PIP4K2B: variants seen among roughly 807,000 people sequenced by gnomAD.
PIP4K2B encodes the protein phosphatidylinositol-5-phosphate 4-kinase type 2 beta.
A neutral mutation model predicts 42.0 loss-of-function variants in PIP4K2B; 3 were observed. The observed-to-expected ratio is 0.07, with a 90% CI of 0.03 to 0.18. The LOEUF is 0.18. PIP4K2B is among the 10% of genes least tolerant of loss of function. PIP4K2B has a pLI of 1.00. For missense variants in PIP4K2B, 332 were observed against 562.3 expected, an observed-to-expected ratio of 0.59 and a Z score of 4.14; for synonymous variants, 204 against 210.1, an observed-to-expected ratio of 0.97 and a Z score of 0.25.
In PIP4K2B at chr17:38,767,064, A is replaced by G. The variant is rs1178710104; in HGVS notation, c.*2627T>C. 4 of 152,228 alleles carry G rather than the reference A, an allele frequency of 2.6e-5. No homozygotes were observed. Among genetic ancestry groups the G allele is most frequent in the Non-Finnish European group, 5.9e-5 (4 of 68,064 alleles). The allele number at this position is 152,228 out of a possible 1,614,324, so 9.4% of individuals were successfully genotyped here. A position where few individuals can be genotyped will look rare whatever the true frequency, so the allele number is the denominator to read the frequency against. On this transcript the variant is annotated 3_prime_UTR_variant, in exon 10 of 10. Transcript: ENST00000619039. Reference sequence around the variant, plus strand: ...TACACCTTTCTTCTTGGGAGACCCAACATTATTCTGAGATGCCATGAGACT... The same window carrying G: ...TACACCTTTCTTCTTGGGAGACCCAGCATTATTCTGAGATGCCATGAGACT...
intron 1 of PIP4K2B, among the ~76,000 whole-genome samples, chr17:38,796,169 G>T (rs72625935): frequency 0.067 from 10,255 of 152,112 alleles, 728 homozygotes; most frequent in East Asian, 0.38. Context: ...ATCACAATGA[G>T]ATACGAATTC....
chr17:38,796,607 C>A (rs1362009696), intron 1 of PIP4K2B, among the ~76,000 whole-genome samples: 1 of 152,190 alleles, frequency 6.6e-6, no homozygotes, highest in East Asian at 1.9e-4. Flanking sequence ...TCCACAAAAT[C>A]CATGGGCTCT....
rs371763496 is a variant in PIP4K2B at position 38,769,688 on chromosome 17, G to T, written c.*3C>A. ...TCTGGCTCTGGCTGAAGGTAGAAGAGAACTACGTCAGGATGTTGGACATAA... is the reference window on the plus strand; with the variant it reads ...TCTGGCTCTGGCTGAAGGTAGAAGATAACTACGTCAGGATGTTGGACATAA... On this transcript the variant is annotated 3_prime_UTR_variant, in exon 10 of 10. Transcript: ENST00000619039. The T allele has an allele frequency of 1.3e-6, 2 of 1,502,160 alleles. No homozygotes were observed. Among genetic ancestry groups the T allele is most frequent in the African/African-American group, 2.7e-5 (2 of 72,760 alleles). 93.1% of individuals were successfully genotyped at this position (1,502,160 alleles called of 1,614,324 possible).
intron 1 of PIP4K2B, among the ~76,000 whole-genome samples, chr17:38,796,616 C>T (rs1164537917): frequency 6.6e-6 from 1 of 152,216 alleles, no homozygotes; most frequent in East Asian, 1.9e-4. Flanking sequence ...TCCATGGGCT[C>T]TTGTCCATGA....
At position 38,768,870 on chromosome 17, in the gene PIP4K2B, G is replaced by C. The variant is rs1321746839; in HGVS notation, c.*821C>G. 6.6e-6 allele frequency: 1 copy of C among 152,514 alleles called. No individual in the cohort carries two copies. The highest frequency in any genetic ancestry group is 2.4e-5 in the African/African-American group (1 of 41,398). 9.4% of individuals were successfully genotyped at this position (152,514 alleles called of 1,614,324 possible). On this transcript the variant is annotated 3_prime_UTR_variant, in exon 10 of 10. Transcript: ENST00000619039. ...TACAGAGAGGACTTCTGAACTCCAG[G>C]GGCTAAGACAGCCTGGGGCTTGGGT...
intron 2 of PIP4K2B, among the ~76,000 whole-genome samples, chr17:38,784,825 G>C (rs551925454): frequency 9.2e-5 from 14 of 152,310 alleles, no homozygotes; most frequent in Admixed American, 7.2e-4. Context: ...CACCCGCTGG[G>C]CCATAAGCCT....
chr17:38,796,675 C>G (rs76681778), intron 1 of PIP4K2B, among the ~76,000 whole-genome samples: 1 of 152,292 alleles, frequency 6.6e-6, no homozygotes, highest in East Asian at 1.9e-4. Context: ...CTTTTTCCAC[C>G]TAGAAGTAAA....
intron 7 of PIP4K2B, among the ~76,000 whole-genome samples, chr17:38,776,826 C>T (rs1189791581): frequency 6.6e-6 from 1 of 152,178 alleles, no homozygotes; most frequent in African/African-American, 2.4e-5. Context: ...AGCACCTGTC[C>T]TCCCCAGATT....
Position 38,788,164 on chromosome 17 carries a change from AG to A in PIP4K2B, c.160-1245del, listed in dbSNP as rs1910137624. 4.0e-5 allele frequency among the ~76,000 whole-genome samples: 6 copies of A among 150,320 alleles called. No individual in the cohort carries two copies. The South Asian group carries it at 1.3e-3, about 32-fold the overall frequency. On this transcript the variant is annotated intron_variant, in intron 1 of 9. Transcript: ENST00000619039. ...TGTGGACTTGTAACTCATATCCCCAAGGTAATAGATTAAATTTATTTATTTA... is the reference window on the plus strand; with the variant it reads ...TGTGGACTTGTAACTCATATCCCCAAGTAATAGATTAAATTTATTTATTTA...
Position 38,799,502 on chromosome 17 carries a change from C to A in PIP4K2B, c.-78G>T. ...CAAGCCAGCGGCCTCAGGCCTCCCC[C>A]GGACCGATCCCCACCCCCGCTCCCT... On this transcript the variant is annotated 5_prime_UTR_variant, in exon 1 of 10. Transcript: ENST00000619039. The surrounding 1 kb of genome is among the most constrained non-coding windows in gnomAD (Gnocchi z 4.4). 7.2e-7 allele frequency: 1 copy of A among 1,386,618 alleles called. No homozygotes were observed. The highest frequency in any genetic ancestry group is 9.3e-7 in the Non-Finnish European group (1 of 1,077,420). The allele number at this position is 1,386,618 out of a possible 1,614,324, so 85.9% of individuals were successfully genotyped here.
Position 38,769,083 on chromosome 17 carries a change from G to A in PIP4K2B, c.*608C>T, listed in dbSNP as rs1392718466. On this transcript the variant is annotated 3_prime_UTR_variant, in exon 10 of 10. Transcript: ENST00000619039. Reference sequence around the variant, plus strand: ...TGCAACAGTTTTCACTTGAATCCAAGGGAAAGGTGGAGGAAGTTGTGCACA... The same window carrying A: ...TGCAACAGTTTTCACTTGAATCCAAAGGAAAGGTGGAGGAAGTTGTGCACA... 2 of 152,608 alleles carry A rather than the reference G, an allele frequency of 1.3e-5. No individual in the cohort carries two copies. The highest frequency in any genetic ancestry group is 2.1e-4 in the South Asian group (1 of 4,844). The allele number at this position is 152,608 out of a possible 1,614,324, so 9.5% of individuals were successfully genotyped here. A position where few individuals can be genotyped will look rare whatever the true frequency, so the allele number is the denominator to read the frequency against.
intron 1 of PIP4K2B, among the ~76,000 whole-genome samples, chr17:38,798,229 T>C (rs1223674953): frequency 6.6e-6 from 1 of 152,210 alleles, no homozygotes; most frequent in Non-Finnish European, 1.5e-5. Context: ...TATTCCAAAA[T>C]TCTAGTTAGT....
At chr17:38,776,116 G>A (rs569862568) in intron 7 of PIP4K2B, 114 of 405,924 alleles carry the variant, frequency 2.8e-4, no homozygotes, top group African/African-American at 1.6e-3. Flanking sequence ...GATTACAGGC[G>A]TGCACCACCA....
At chr17:38,770,774 G>A (rs1469209620) in intron 8 of PIP4K2B, among the ~76,000 whole-genome samples, 9 of 152,096 alleles carry the variant, frequency 5.9e-5, no homozygotes, top group Non-Finnish European at 1.3e-4. Context: ...TTCATCTCAT[G>A]AACCAGAGCA....
rs550489276 is a variant in PIP4K2B at position 38,799,171 on chromosome 17, G to A, written c.159+95C>T. ...AGTGGCTTGGCGAGGGGTGGCAGGCGTCACCGGCAGGGCCTGCGGGGCAAG... is the reference window on the plus strand; with the variant it reads ...AGTGGCTTGGCGAGGGGTGGCAGGCATCACCGGCAGGGCCTGCGGGGCAAG... On this transcript the variant is annotated intron_variant, in intron 1 of 9. Transcript: ENST00000619039. The surrounding 1 kb of genome is among the most constrained non-coding windows in gnomAD (Gnocchi z 4.4). 7 of 1,319,890 alleles carry A rather than the reference G, an allele frequency of 5.3e-6. No individual in the cohort carries two copies. Among genetic ancestry groups the A allele is most frequent in the East Asian group, 2.8e-5 (1 of 35,514 alleles). The allele number at this position is 1,319,890 out of a possible 1,614,324, so 81.8% of individuals were successfully genotyped here. A position where few individuals can be genotyped will look rare whatever the true frequency, so the allele number is the denominator to read the frequency against.
chr17:38,766,068 G>C lies in PIP4K2B; in HGVS notation c.*3623C>G, dbSNP rs1013755906. ...AGGCTCCTGTGGAAACTTCTGCCCT[G>C]GGATACTGGCACAAGCTGCCAAGGG... On this transcript the variant is annotated 3_prime_UTR_variant, in exon 10 of 10. Transcript: ENST00000619039. 2 of 152,552 alleles carry C rather than the reference G, an allele frequency of 1.3e-5. No homozygotes were observed. Among genetic ancestry groups the C allele is most frequent in the Admixed American group, 1.3e-4 (2 of 15,284 alleles). The allele number at this position is 152,552 out of a possible 1,614,324, so 9.4% of individuals were successfully genotyped here. A position where few individuals can be genotyped will look rare whatever the true frequency, so the allele number is the denominator to read the frequency against.
At position 38,769,748 on chromosome 17, in the gene PIP4K2B, C is replaced by G. The variant is rs1303534636; in HGVS notation, c.1194G>C (p.Val398=). ...KHGAGAEIST[V]NPEQYSKRFN... ...AGCGTTTGGAGTACTGCTCAGGGTT[C>G]ACAGTCGAGATCTCGGCCCCTGCCT... Residue 398 remains valine (V), a synonymous_variant, in exon 10 of 10, where the codon GTG becomes GTC. Coordinates refer to ENST00000619039, the MANE Select transcript of PIP4K2B (RefSeq NM_003559.5). 1.9e-6 allele frequency: 3 copies of G among 1,613,662 alleles called. No homozygotes were observed. In the African/African-American group the frequency reaches 4.0e-5, roughly 22 times the overall value.
intron 8 of PIP4K2B, 128 bp downstream of exon 8, chr17:38,770,886 G>T: frequency 1.9e-6 from 2 of 1,055,756 alleles, no homozygotes; most frequent in Non-Finnish European, 2.8e-6. Context: ...GAATCTGGAG[G>T]CAGAAAGAGG....
In PIP4K2B at chr17:38,786,805, A is replaced by G. The variant is rs372540651; in HGVS notation, c.257+18T>C. 2.0e-6 allele frequency: 3 copies of G among 1,525,282 alleles called. No homozygotes were observed. Among genetic ancestry groups the G allele is most frequent in the Admixed American group, 3.3e-5 (2 of 59,908 alleles). The allele number at this position is 1,525,282 out of a possible 1,614,324, so 94.5% of individuals were successfully genotyped here. On this transcript the variant is annotated intron_variant, in intron 2 of 9. Transcript: ENST00000619039. ...AGGACTGCCCACAAAACCTGAGTCCACTCAGTAGACAACTTACTTATTGAA... is the reference window on the plus strand; with the variant it reads ...AGGACTGCCCACAAAACCTGAGTCCGCTCAGTAGACAACTTACTTATTGAA...
Sources: allele counts gnomAD v4.1 joint callset (sites outside exome capture counted in the v4.1 genomes callset), GRCh38; gene constraint gnomAD v4.1.1; non-coding constraint Gnocchi (gnomAD v3.1); transcripts MANE v1.5; gene names NCBI Gene and HGNC (gene_info 2026-07-23, HGNC 2026-07-21).